The following SYNE1 variants were observed in gnomAD, a reference collection of about 807,000 sequenced individuals.
SYNE1 encodes spectrin repeat containing nuclear envelope protein 1.
SYNE1 carries 616 observed loss-of-function variants against 1,111.0 expected under a neutral mutation model. That is an observed-to-expected ratio of 0.55 (90% CI 0.52 to 0.59). The LOEUF is 0.59. Ranked by LOEUF, SYNE1 falls within the 20% of genes least tolerant of loss-of-function variation. The probability of loss-of-function intolerance (pLI) is 0.00; values close to 1 mark genes in which losing one functional copy is unlikely to be tolerated. For synonymous variants in SYNE1, 3,855 were observed against 3,825.8 expected (o/e 1.01, Z -0.28); for missense variants, 10,006 against 10,417.0 (o/e 0.96, Z 1.72).
chr6:152,253,628 A>G (rs2089937038), intron 104 of SYNE1, among the ~76,000 whole-genome samples: 1 of 152,148 alleles, frequency 6.6e-6, no homozygotes, highest in African/African-American at 2.4e-5. Flanking sequence ...CAACGTCTGC[A>G]GGATGTCGCA....
Position 152,461,591 on chromosome 6 carries a change from T to C in SYNE1, c.2394+6A>G. The C allele has an allele frequency of 6.2e-7, 1 of 1,613,984 alleles. No individual in the cohort carries two copies. Among genetic ancestry groups the C allele is most frequent in the Non-Finnish European group, 8.5e-7 (1 of 1,179,910 alleles). On this transcript the variant is annotated splice_donor_region_variant and intron_variant, in intron 21 of 145. Transcript: ENST00000367255. Reference sequence around the variant, plus strand: ...CAGCCTATTGTGCATTAAATTATTTTCGCACCTTGGTTAGCTGCTCTTTGA... The same window carrying C: ...CAGCCTATTGTGCATTAAATTATTTCCGCACCTTGGTTAGCTGCTCTTTGA...
chr6:152,252,068 G>A (rs1303331830), intron 104 of SYNE1, among the ~76,000 whole-genome samples: 3 of 152,086 alleles, frequency 2.0e-5, no homozygotes, highest in South Asian at 4.1e-4. Flanking sequence ...TCGGGAGTTC[G>A]AGACCAGCTT....
In SYNE1 at chr6:152,472,284, T is replaced by C; in HGVS notation, c.1463+17A>G. On this transcript the variant is annotated intron_variant, in intron 15 of 145. Coordinates refer to ENST00000367255, the MANE Select transcript of SYNE1 (RefSeq NM_182961.4). ...GTTTTAAAAAGAGACTTCCTTTAAA[T>C]GCAGATATTCTCTTACCTCTCGGCC... 1 of 1,587,418 alleles carries C rather than the reference T, an allele frequency of 6.3e-7. No homozygotes were observed. The highest frequency in any genetic ancestry group is 8.7e-7 in the Non-Finnish European group (1 of 1,156,014).
chr6:152,363,428 A>G (rs1402328423), intron 63 of SYNE1, among the ~76,000 whole-genome samples: 1 of 150,770 alleles, frequency 6.6e-6, no homozygotes, highest in Non-Finnish European at 1.5e-5. Context: ...CGGGAGGCGG[A>G]GCTCGCAGTG....
At chr6:152,155,447 A>G (rs533087861) in intron 132 of SYNE1, 1 of 311,736 alleles carries the variant, frequency 3.2e-6, no homozygotes, top group South Asian at 3.1e-5. Flanking sequence ...CACTGACAAA[A>G]GTTAATCTAT....
At chr6:152,217,203 G>A (rs1234954961) in intron 121 of SYNE1, among the ~76,000 whole-genome samples, 1 of 149,270 alleles carries the variant, frequency 6.7e-6, no homozygotes. Flanking sequence ...GACCATCCTG[G>A]CTAACATGAT....
At chr6:152,420,591 G>T (rs527257002) in intron 39 of SYNE1, among the ~76,000 whole-genome samples, 104 of 152,306 alleles carry the variant, frequency 6.8e-4, no homozygotes, top group African/African-American at 2.5e-3. Context: ...CTGCACTCCA[G>T]CCTGGGTGAC....
At chr6:152,424,809 G>A (rs1211743751) in intron 39 of SYNE1, among the ~76,000 whole-genome samples, 1 of 152,114 alleles carries the variant, frequency 6.6e-6, no homozygotes, top group Non-Finnish European at 1.5e-5. Context: ...TTTTTTAAAT[G>A]GTCAGAAAGG....
rs2096782076 is a variant in SYNE1 at position 152,353,704 on chromosome 6, T to C, written c.10967A>G (p.Glu3656Gly). 6.2e-7 allele frequency: 1 copy of C among 1,614,054 alleles called. No homozygotes were observed. Among genetic ancestry groups the C allele is most frequent in the South Asian group, 1.1e-5 (1 of 91,088 alleles). The change falls in exon 68 of 146, where the codon GAG (glutamate) becomes GGG (glycine). Residue 3656 changes from glutamate (E) to glycine (G), a missense_variant. Physicochemically the swap from Glu to Gly is moderately conservative, Grantham distance 98. Coordinates refer to ENST00000367255, the MANE Select transcript of SYNE1 (RefSeq NM_182961.4). ...CTCCTGAGCTCTAGCTCCCACTTCC[T>C]CAACTTCATCTCTGTATGCAGTCAC... ...EEVTAYRDEVEEVGARAQEIL... is the reference protein window; with the variant it reads ...EEVTAYRDEVGEVGARAQEIL...
Position 152,122,248 on chromosome 6 carries a change from T to C in SYNE1, c.*188A>G, listed in dbSNP as rs372910787. 328 of 838,292 alleles carry C rather than the reference T, an allele frequency of 3.9e-4. 2 individuals carry two copies. The African/African-American group carries it at 5.0e-3, about 13-fold the overall frequency. The allele number at this position is 838,292 out of a possible 1,614,324, so 51.9% of individuals were successfully genotyped here. A position where few individuals can be genotyped will look rare whatever the true frequency, so the allele number is the denominator to read the frequency against. ...TCCAAACCTTCTTGTTGTCTGTTTG[T>C]TCCCCCGTCACTGTTTATCTTCCAC... On this transcript the variant is annotated 3_prime_UTR_variant, in exon 146 of 146. Transcript: ENST00000367255.
At chr6:152,378,391 C>T (rs185987089) in intron 56 of SYNE1, among the ~76,000 whole-genome samples, 5 of 152,236 alleles carry the variant, frequency 3.3e-5, no homozygotes, top group Admixed American at 2.6e-4. Flanking sequence ...CACTGTCCCC[C>T]GCTGATGTCA....
chr6:152,579,584 G>A (rs1010246212), intron 3 of SYNE1, among the ~76,000 whole-genome samples: 2 of 152,130 alleles, frequency 1.3e-5, no homozygotes, highest in African/African-American at 4.8e-5. Context: ...AATTGCATGT[G>A]TTGGGGGTTT....
intron 97 of SYNE1, among the ~76,000 whole-genome samples, chr6:152,278,727 C>A (rs1248309064): frequency 6.6e-6 from 1 of 152,008 alleles, no homozygotes; most frequent in African/African-American, 2.4e-5. Flanking sequence ...TCCCAAAGTG[C>A]TGGGATTACA....
chr6:152,251,272 A>G lies in SYNE1; in HGVS notation c.19471-2010T>C, dbSNP rs573328450. On this transcript the variant is annotated intron_variant, in intron 104 of 145. Transcript: ENST00000367255. ...GGCCCATTTTTATGCTTTTAATAGC[A>G]TATTTTCTCTCTTAACTATGTTCTA... Among the ~76,000 whole-genome samples, 10 of 152,122 alleles carry G rather than the reference A, an allele frequency of 6.6e-5. No individual in the cohort carries two copies. In the South Asian group the frequency reaches 2.1e-3, roughly 32 times the overall value.
chr6:152,193,935 C>A (rs1383381180), intron 127 of SYNE1, among the ~76,000 whole-genome samples: 3 of 151,254 alleles, frequency 2.0e-5, no homozygotes, highest in Non-Finnish European at 4.4e-5. Flanking sequence ...ATGGCATGAA[C>A]CCAGGAGGCA....
intron 119 of SYNE1, among the ~76,000 whole-genome samples, chr6:152,219,484 C>T (rs1461997023): frequency 5.6e-5 from 5 of 88,584 alleles, no homozygotes; most frequent in Admixed American, 2.4e-4. Flanking sequence ...GAAAAACATA[C>T]ATAAACAAGA....
In SYNE1 at chr6:152,288,350, C is replaced by A. The variant is rs2094436413; in HGVS notation, c.18013-4178G>T. ...CTTTCCACTAACTGTAGCCCACAAG[C>A]AGATTTCTGTTTTCTGTTTGATGTG... On this transcript the variant is annotated intron_variant, in intron 95 of 145. Transcript: ENST00000367255. Among the ~76,000 whole-genome samples, 4 of 152,186 alleles carry A rather than the reference C, an allele frequency of 2.6e-5. No individual in the cohort carries two copies. The South Asian group carries it at 8.3e-4, about 32-fold the overall frequency.
chr6:152,437,033 G>T (rs1370237468), intron 32 of SYNE1, among the ~76,000 whole-genome samples: 1 of 151,968 alleles, frequency 6.6e-6, no homozygotes, highest in African/African-American at 2.4e-5. Context: ...CAGGCATGAT[G>T]GTGCATGCCT....
chr6:152,440,363 A>C (rs901153164), intron 32 of SYNE1, among the ~76,000 whole-genome samples: 4 of 152,144 alleles, frequency 2.6e-5, no homozygotes, highest in African/African-American at 9.7e-5. Flanking sequence ...GTAATGCTTT[A>C]GGTCTTCAAG....
Sources: gnomAD v4.1 joint callset for allele counts (sites outside exome capture counted in the v4.1 genomes callset) on GRCh38, gnomAD v4.1.1 for gene constraint, MANE v1.5 for transcripts, NCBI Gene and HGNC (gene_info 2026-07-23, HGNC 2026-07-21) for gene names.